The following WRAP53 variants were observed in gnomAD, a reference collection of about 807,000 sequenced individuals.
The protein encoded by WRAP53 is WD repeat containing antisense to TP53.
In WRAP53, 28 loss-of-function variants were observed where a neutral mutation model predicts 56.6. That is an observed-to-expected ratio of 0.50 (90% CI 0.37 to 0.68). WRAP53 has a LOEUF of 0.68. Ranked by LOEUF, WRAP53 falls within the 30% of genes least tolerant of loss-of-function variation. WRAP53 has a pLI of 0.00. For synonymous variants in WRAP53, 283 were observed against 283.4 expected (o/e 1.00, Z 0.01); for missense variants, 671 against 715.5 (o/e 0.94, Z 0.71).
intron 10 of WRAP53, 50 bp from the exon 11 acceptor site, chr17:7,703,193 C>T (rs1355930546): frequency 1.2e-6 from 2 of 1,613,184 alleles, no homozygotes; most frequent in East Asian, 2.2e-5. Context: ...CCAGAGGGAG[C>T]AAGTGTCCTC....
chr17:7,692,029 T>TG (rs200523281), intron 4 of WRAP53, among the ~76,000 whole-genome samples: 149 of 150,604 alleles, frequency 9.9e-4, no homozygotes, highest in Admixed American at 5.1e-3. Flanking sequence ...TTAGTAGAGA[T>TG]GGGGGGTTCA....
chr17:7,688,450 G>C, upstream of WRAP53: 1 of 615,820 alleles, frequency 1.6e-6, no homozygotes, highest in South Asian at 2.0e-5. Flanking sequence ...CAAGAGGCCC[G>C]TAGCGACCCG....
At chr17:7,690,962 C>G (rs902695700) in intron 4 of WRAP53, among the ~76,000 whole-genome samples, 1 of 151,286 alleles carries the variant, frequency 6.6e-6, no homozygotes, top group Non-Finnish European at 1.5e-5. Flanking sequence ...GTAATCCCAG[C>G]ACTTTGGGAG....
Position 7,688,536 on chromosome 17 carries a change from A to G in WRAP53, c.-27A>G. 2 of 1,161,516 alleles carry G rather than the reference A, an allele frequency of 1.7e-6. No individual in the cohort carries two copies. Among genetic ancestry groups the G allele is most frequent in the Non-Finnish European group, 2.5e-6 (2 of 815,938 alleles). The allele number at this position is 1,161,516 out of a possible 1,614,324, so 72.0% of individuals were successfully genotyped here. On this transcript the variant is annotated 5_prime_UTR_variant, in exon 1 of 11. Transcript: ENST00000396463. Reference sequence around the variant, plus strand: ...CTCTCCTCCCGGGAGTCTTCTGCCTACTCCCAGAAGAGGAGGGAAGCACAG... The same window carrying G: ...CTCTCCTCCCGGGAGTCTTCTGCCTGCTCCCAGAAGAGGAGGGAAGCACAG...
rs1281325154 is a variant in WRAP53, at chr17:7,689,256, G to C, written c.464G>C (p.Arg155Pro). The C allele has an allele frequency of 6.2e-7, 1 of 1,613,942 alleles. No individual in the cohort carries two copies. The highest frequency in any genetic ancestry group is 1.1e-5 in the South Asian group (1 of 91,052). ...AACTACAGCTTCTCCCAGCTGCCTC[G>C]ATTTCTCAGTGGTTCCTGGTCAGAG... ...AWNYSFSQLP[R>P]FLSGSWSEFS... The change falls in exon 3 of 11, where the codon CGA becomes CCA. Residue 155 changes from arginine to proline, a missense_variant. Around this residue, in one of 3 missense-constraint regions of WRAP53, gnomAD observed 406 missense variants for 418.5 expected, o/e 0.97. Transcript: ENST00000396463.
chr17:7,702,583 G>C lies in WRAP53; in HGVS notation c.1164+31G>C. ...GGTCACACCCTGAGAGCCCAAAGCA[G>C]CTGGGCAGCGGGGCAGGAGCAGGGA... On this transcript the variant is annotated intron_variant, in intron 8 of 10. Transcript: ENST00000396463. The surrounding 1 kb of genome is among the most constrained non-coding windows in gnomAD (Gnocchi z 5.0). 1 of 1,600,800 alleles carries C rather than the reference G, an allele frequency of 6.2e-7. No individual in the cohort carries two copies. Among genetic ancestry groups the C allele is most frequent in the Non-Finnish European group, 8.5e-7 (1 of 1,177,710 alleles).
At chr17:7,691,961 C>T (rs573896093) in intron 4 of WRAP53, among the ~76,000 whole-genome samples, 3 of 152,124 alleles carry the variant, frequency 2.0e-5, no homozygotes, top group Admixed American at 1.3e-4. Flanking sequence ...CTCAACCTTC[C>T]GAGTAGCTGG....
Position 7,700,766 on chromosome 17 carries a change from G to A in WRAP53, c.668G>A (p.Gly223Asp), listed in dbSNP as rs753668696. 6.2e-7 allele frequency: 1 copy of A among 1,613,028 alleles called. No homozygotes were observed. Among genetic ancestry groups the A allele is most frequent in the Non-Finnish European group, 8.5e-7 (1 of 1,179,268 alleles). The change falls in exon 5 of 11, where the codon GGT (glycine) becomes GAT (aspartate). Residue 223 changes from glycine to aspartate, a missense_variant. Physicochemically the swap from Gly to Asp is moderately conservative, Grantham distance 94 (BLOSUM62 -1). Transcript: ENST00000396463. ...GTCCCTGTCCTTCGAATGGTGGAAG[G>A]TGATACCATCTATGATTACTGCTGG... The part of the protein sequence containing the change: ...EMVPVLRMVE[G>D]DTIYDYCWYS...
At position 7,693,879 on chromosome 17, in the gene WRAP53, G is replaced by C. The variant is rs561753970; in HGVS notation, c.642+4178G>C. Among the ~76,000 whole-genome samples the C allele has an allele frequency of 7.2e-5, 11 of 152,326 alleles. No individual in the cohort carries two copies. The South Asian group carries it at 2.3e-3, about 32-fold the overall frequency. The stretch of plus-strand genomic sequence containing the variant: ...CAGGAGAGAAAGACAAGGGTATCCT[G>C]AGAGTGTCTTCAAGAGTGTGCATGC... On this transcript the variant is annotated intron_variant, in intron 4 of 10. Transcript: ENST00000396463.
At position 7,702,925 on chromosome 17, in the gene WRAP53, C is replaced by G. The variant is rs541688717; in HGVS notation, c.1269-68C>G. 3.1e-6 allele frequency: 5 copies of G among 1,612,766 alleles called. No individual in the cohort carries two copies. In the South Asian group the frequency reaches 4.4e-5, roughly 14 times the overall value. ...AGAGCCCAGCTGTAGGGTCCCAGTC[C>G]CTGGGTGTGAGGGGTTCCTGCCCCA... On this transcript the variant is annotated intron_variant, in intron 9 of 10. Transcript: ENST00000396463. The surrounding 1 kb of genome is among the most constrained non-coding windows in gnomAD (Gnocchi z 5.0).
Position 7,688,915 on chromosome 17 carries a change from G to A in WRAP53, c.267G>A (p.Leu89=). 6.2e-7 allele frequency: 1 copy of A among 1,614,196 alleles called. No individual in the cohort carries two copies. Among genetic ancestry groups the A allele is most frequent in the Non-Finnish European group, 8.5e-7 (1 of 1,180,036 alleles). ...CAGAGTTTGGTTCCCCTAGTGAGTT[G>A]AGTCCTCGAATCGAGGAGCAAGAAC... ...LETEFGSPSE[L]SPRIEEQELS... Residue 89 remains leucine (L), a synonymous_variant, in exon 2 of 11, where the codon TTG becomes TTA. Transcript: ENST00000396463.
chr17:7,700,978 CTTTT>C, intron 5 of WRAP53, 149 bp downstream of exon 5: 1 of 554,424 alleles, frequency 1.8e-6, no homozygotes, highest in South Asian at 1.8e-5. Context: ...CCTCCCCTTC[CTTTT>C]TTTTTTTTTA....
At chr17:7,693,461 A>G (rs2074141432) in intron 4 of WRAP53, among the ~76,000 whole-genome samples, 1 of 152,114 alleles carries the variant, frequency 6.6e-6, no homozygotes, top group South Asian at 2.1e-4. Flanking sequence ...GCTCACGCCT[A>G]TAATCCCAGC....
intron 4 of WRAP53, among the ~76,000 whole-genome samples, chr17:7,695,242 A>C (rs1217197252): frequency 1.4e-4 from 21 of 152,218 alleles, no homozygotes; most frequent in Non-Finnish European, 1.5e-5. Context: ...GGCGTGAGCC[A>C]CTGCACCCGG....
In WRAP53 at chr17:7,700,821, C is replaced by T. The variant is rs771431030; in HGVS notation, c.723C>T (p.Asp241=). 2 of 1,611,492 alleles carry T rather than the reference C, an allele frequency of 1.2e-6. No individual in the cohort carries two copies. Among genetic ancestry groups the T allele is most frequent in the Non-Finnish European group, 1.7e-6 (2 of 1,177,760 alleles). The change falls in exon 5 of 11, where the codon GAC becomes GAT. Residue 241 remains aspartate, a synonymous_variant. Coordinates refer to ENST00000396463, the MANE Select transcript of WRAP53 (RefSeq NM_001143992.2). The stretch of plus-strand genomic sequence containing the variant: ...CTCTGATGTCCTCAGCCCAGCCAGA[C>T]ACCTCCTAGTAAGTAATGTTTGCCT... ...WYSLMSSAQP[D]TSYVASSSRE...
At chr17:7,698,230 C>A (rs1440279674) in intron 4 of WRAP53, among the ~76,000 whole-genome samples, 1 of 152,056 alleles carries the variant, frequency 6.6e-6, no homozygotes. Flanking sequence ...TGTAGAGAAA[C>A]CCTTCTACAT....
At chr17:7,697,538 G>A (rs1173994052) in intron 4 of WRAP53, among the ~76,000 whole-genome samples, 1 of 150,438 alleles carries the variant, frequency 6.6e-6, no homozygotes, top group East Asian at 2.0e-4. Context: ...AAATGCCTGT[G>A]GTCCCGGCTC....
chr17:7,691,536 C>T (rs1171443084), intron 4 of WRAP53, among the ~76,000 whole-genome samples: 3 of 150,096 alleles, frequency 2.0e-5, no homozygotes, highest in Non-Finnish European at 4.5e-5. Context: ...ATTACAGGCA[C>T]CCGCCACCAT....
At chr17:7,693,802 G>T (rs2074145633) in intron 4 of WRAP53, among the ~76,000 whole-genome samples, 1 of 152,188 alleles carries the variant, frequency 6.6e-6, no homozygotes, top group Admixed American at 6.5e-5. Flanking sequence ...GTAGTCACTG[G>T]TATCAGTTGT....
Sources: gnomAD v4.1 joint callset for allele counts (sites outside exome capture counted in the v4.1 genomes callset) on GRCh38, gnomAD v4.1.1 for gene constraint, gnomAD v4.1.1 regional missense constraint, Gnocchi (gnomAD v3.1) non-coding constraint, MANE v1.5 for transcripts, NCBI Gene and HGNC (gene_info 2026-07-23, HGNC 2026-07-21) for gene names.